Variants in FAM107A observed in about 807,000 individuals in gnomAD.
FAM107A encodes the protein family with sequence similarity 107 member A, also known as actin-associated protein FAM107A.
In FAM107A, 19 loss-of-function variants were observed where a neutral mutation model predicts 13.7. That is an observed-to-expected ratio of 1.38 (90% CI 0.97 to 2.03). The LOEUF (loss-of-function observed/expected upper bound fraction) is 2.03, where lower values mean the gene tolerates loss of function less well. Ranked by LOEUF, FAM107A falls within the 30% of genes most tolerant of loss-of-function variation. FAM107A has a pLI of 0.00. For missense variants in FAM107A, 203 were observed against 184.4 expected, an observed-to-expected ratio of 1.10 and a Z score of -0.58; for synonymous variants, 82 against 74.5, an observed-to-expected ratio of 1.10 and a Z score of -0.52.
In FAM107A at chr3:58,617,566, C is replaced by G. The variant is rs1008926568; in HGVS notation, c.-70+9850G>C. 6.6e-6 allele frequency among the ~76,000 whole-genome samples: 1 copy of G among 152,136 alleles called. No individual in the cohort carries two copies. The highest frequency in any genetic ancestry group is 1.5e-5 in the Non-Finnish European group (1 of 68,034). On this transcript the variant is annotated intron_variant, in intron 1 of 3. Transcript: ENST00000465970. This position sits in a 1 kb window ranked among gnomAD's most constrained non-coding sequence, Gnocchi z 4.5. Reference sequence around the variant, plus strand: ...TCTGATCTCTTACTTACACAAAGCCCCTTGTTTATGTTAGTTTGGGAGACA... The same window carrying G: ...TCTGATCTCTTACTTACACAAAGCCGCTTGTTTATGTTAGTTTGGGAGACA...
At chr3:58,618,911 C>G (rs549063688) in intron 1 of FAM107A, among the ~76,000 whole-genome samples, 2 of 152,288 alleles carry the variant, frequency 1.3e-5, no homozygotes, top group Admixed American at 6.5e-5. Context: ...GTCTTTCTCT[C>G]TTATCTCTAT....
chr3:58,626,874 C>A (rs2066023258), intron 1 of FAM107A: 3 of 1,233,794 alleles, frequency 2.4e-6, no homozygotes, highest in Admixed American at 2.0e-5. Context: ...GCACTGCCGG[C>A]TGAAGCTGCA....
intron 1 of FAM107A, chr3:58,627,094 GGGC>G: frequency 1.7e-6 from 2 of 1,185,102 alleles, no homozygotes; most frequent in Non-Finnish European, 2.4e-6. Flanking sequence ...GGGGCTCCCG[GGGC>G]GAGGGCCCCC....
chr3:58,583,098 C>T (rs142295766), intron 1 of FAM107A, among the ~76,000 whole-genome samples: 8 of 152,114 alleles, frequency 5.3e-5, no homozygotes, highest in Non-Finnish European at 8.8e-5. Flanking sequence ...TGTGCCCGGC[C>T]GAGCATTCAA....
Position 58,569,780 on chromosome 3 carries a change from C to T in FAM107A, c.81G>A (p.Glu27=). The part of the protein sequence containing the change: ...ARPEYREWNP[E]LIKPKKLLNP... Reference sequence around the variant, plus strand: ...TCAGCAGCTTCTTGGGCTTGATGAGCTCCGGATTCCACTCTCTGTATTCTG... The same window carrying T: ...TCAGCAGCTTCTTGGGCTTGATGAGTTCCGGATTCCACTCTCTGTATTCTG... The change falls in exon 2 of 4, where the codon GAG becomes GAA. Residue 27 remains glutamate, a synonymous_variant. Coordinates refer to ENST00000360997, the MANE Select transcript of FAM107A (RefSeq NM_001076778.3). The surrounding 1 kb of genome is among the most constrained non-coding windows in gnomAD (Gnocchi z 5.7). 6.2e-7 allele frequency: 1 copy of T among 1,614,138 alleles called. No individual in the cohort carries two copies. Among genetic ancestry groups the T allele is most frequent in the Non-Finnish European group, 8.5e-7 (1 of 1,179,998 alleles).
In FAM107A at chr3:58,577,332, G is replaced by A. The variant is rs2063738958; in HGVS notation, c.-29C>T. 1 of 985,320 alleles carries A rather than the reference G, an allele frequency of 1.0e-6. No homozygotes were observed. Among genetic ancestry groups the A allele is most frequent in the South Asian group, 4.7e-5 (1 of 21,294 alleles). 61.0% of individuals were successfully genotyped at this position (985,320 alleles called of 1,614,324 possible). On this transcript the variant is annotated 5_prime_UTR_variant, in exon 1 of 4. Coordinates refer to ENST00000360997, the MANE Select transcript of FAM107A (RefSeq NM_001076778.3). The surrounding 1 kb of genome is among the most constrained non-coding windows in gnomAD (Gnocchi z 4.9). The stretch of plus-strand genomic sequence containing the variant: ...ACTTCTCAGGTCGAGTCCTTGGGAA[G>A]GGAAGTCAGGAGCGTGTTGCTGGGT...
chr3:58,587,002 C>G, exon 1 of FAM107A: 4 of 1,444,792 alleles, frequency 2.8e-6, no homozygotes, highest in East Asian at 5.6e-5. Flanking sequence ...GGAGCGTAGT[C>G]CGGAGCCGAA....
intron 1 of FAM107A, among the ~76,000 whole-genome samples, chr3:58,596,497 A>G (rs1359955120): frequency 6.6e-6 from 1 of 152,088 alleles, no homozygotes; most frequent in African/African-American, 2.4e-5. Context: ...GGTCAACATG[A>G]AGAAACCCTG....
At chr3:58,575,353 G>C (rs774642290) in intron 1 of FAM107A, among the ~76,000 whole-genome samples, 1 of 152,118 alleles carries the variant, frequency 6.6e-6, no homozygotes, top group Non-Finnish European at 1.5e-5. Context: ...TTAGCCCAGC[G>C]CCTGGCAGAG....
chr3:58,589,378 G>A (rs542119897), upstream of FAM107A: 5 of 698,442 alleles, frequency 7.2e-6, no homozygotes, highest in African/African-American at 5.3e-5. Context: ...GAAGGGACTG[G>A]TCAGAGTCAA....
chr3:58,583,086 A>G (rs2065566300), intron 1 of FAM107A, among the ~76,000 whole-genome samples: 1 of 152,246 alleles, frequency 6.6e-6, no homozygotes, highest in South Asian at 2.1e-4. Flanking sequence ...GGCGTGAGCC[A>G]CTGTGCCCGG....
chr3:58,617,940 C>G lies in FAM107A; in HGVS notation c.-70+9476G>C, dbSNP rs1384827201. Among the ~76,000 whole-genome samples, 1 of 152,192 alleles carries G rather than the reference C, an allele frequency of 6.6e-6. No homozygotes were observed. The highest frequency in any genetic ancestry group is 1.5e-5 in the Non-Finnish European group (1 of 68,032). On this transcript the variant is annotated intron_variant, in intron 1 of 3. Transcript: ENST00000465970. This position sits in a 1 kb window ranked among gnomAD's most constrained non-coding sequence, Gnocchi z 4.5. Reference sequence around the variant, plus strand: ...CTGTGGAGCCAGAAGTATCCAAGTTCAAGTCCCAGCTCTGGCACTTGTTGG... The same window carrying G: ...CTGTGGAGCCAGAAGTATCCAAGTTGAAGTCCCAGCTCTGGCACTTGTTGG...
intron 1 of FAM107A, among the ~76,000 whole-genome samples, chr3:58,573,156 G>A (rs1004890089): frequency 6.6e-6 from 1 of 152,160 alleles, no homozygotes; most frequent in Non-Finnish European, 1.5e-5. Flanking sequence ...TGGTGCCTTA[G>A]CTCAGAGCTG....
At chr3:58,610,003 C>T (rs1432254730) in intron 1 of FAM107A, among the ~76,000 whole-genome samples, 1 of 152,244 alleles carries the variant, frequency 6.6e-6, no homozygotes, top group Non-Finnish European at 1.5e-5. Flanking sequence ...ATGGCCAGCA[C>T]ATCATGATCA....
upstream of FAM107A, among the ~76,000 whole-genome samples, chr3:58,580,360 TA>T (rs2065520100): frequency 6.7e-6 from 1 of 149,684 alleles, no homozygotes; most frequent in African/African-American, 2.4e-5. Context: ...AAATGAGTGC[TA>T]AAAATGCTCT....
At chr3:58,605,326 G>C (rs2065783964) in intron 1 of FAM107A, among the ~76,000 whole-genome samples, 1 of 152,218 alleles carries the variant, frequency 6.6e-6, no homozygotes. Context: ...CCCAGTCCTT[G>C]GGCAAGAACC....
intron 2 of FAM107A, among the ~76,000 whole-genome samples, chr3:58,567,575 G>A (rs7647828): frequency 0.37 from 56,093 of 152,122 alleles, 11,122 homozygotes; most frequent in East Asian, 0.77. Context: ...ATAGCTACAG[G>A]TAGGCCACAT....
In FAM107A at chr3:58,566,502, C is replaced by G. The variant is rs186744032; in HGVS notation, c.*86G>C. The G allele has an allele frequency of 1.1e-6, 1 of 903,436 alleles. No individual in the cohort carries two copies. Among genetic ancestry groups the G allele is most frequent in the African/African-American group, 1.7e-5 (1 of 60,454 alleles). 56.0% of individuals were successfully genotyped at this position (903,436 alleles called of 1,614,324 possible). A position where few individuals can be genotyped will look rare whatever the true frequency, so the allele number is the denominator to read the frequency against. On this transcript the variant is annotated 3_prime_UTR_variant, in exon 4 of 4. Transcript: ENST00000360997. The stretch of plus-strand genomic sequence containing the variant: ...GGGAACATCACAGACGTCCCAGGGC[C>G]TGGGGCCCAGGGCTGCCAGGTACAG...
chr3:58,610,784 C>T (rs1397952511), intron 1 of FAM107A, among the ~76,000 whole-genome samples: 4 of 152,188 alleles, frequency 2.6e-5, no homozygotes, highest in Admixed American at 2.6e-4. Context: ...TGGTTAACCT[C>T]AAGGAAACTC....
Sources: allele counts gnomAD v4.1 joint callset (sites outside exome capture counted in the v4.1 genomes callset), GRCh38; gene constraint gnomAD v4.1.1; non-coding constraint Gnocchi (gnomAD v3.1); transcripts MANE v1.5; gene names NCBI Gene and HGNC (gene_info 2026-07-23, HGNC 2026-07-21).